IL1RAPL2: variants seen among roughly 807,000 people sequenced by gnomAD.
IL1RAPL2 encodes the protein interleukin 1 receptor accessory protein like 2.
In IL1RAPL2, 3 loss-of-function variants were observed where a neutral mutation model predicts 44.1. The ratio of observed to expected loss-of-function variants is 0.07; its 90% CI spans 0.03 to 0.18. IL1RAPL2 has a LOEUF of 0.18. Among genes scored for constraint, IL1RAPL2 ranks in the 10% least tolerant of loss-of-function variants. The probability of loss-of-function intolerance (pLI) is 1.00; values close to 1 mark genes in which losing one functional copy is unlikely to be tolerated. For synonymous variants in IL1RAPL2, 181 were observed against 178.8 expected, an observed-to-expected ratio of 1.01 and a Z score of -0.10; for missense variants, 391 against 496.4, an observed-to-expected ratio of 0.79 and a Z score of 2.02.
chrX:105,265,370 A>G (rs370562077), intron 4 of IL1RAPL2, among the ~76,000 whole-genome samples: 5 of 112,322 alleles, frequency 4.5e-5, no homozygotes, highest in East Asian at 5.6e-4. Flanking sequence ...TTATTATTGT[A>G]TGACGGCAGT....
chrX:104,919,446 A>G (rs186584432), intron 2 of IL1RAPL2, among the ~76,000 whole-genome samples: 8 of 108,937 alleles, frequency 7.3e-5, no homozygotes, highest in African/African-American at 2.7e-4. Flanking sequence ...GCTGGTCTCA[A>G]ACTCCTGACC....
At chrX:104,920,257 A>G (rs1009207560) in intron 2 of IL1RAPL2, among the ~76,000 whole-genome samples, 5 of 111,347 alleles carry the variant, frequency 4.5e-5, no homozygotes, top group African/African-American at 1.6e-4. Context: ...TTTTCCCCTG[A>G]TTCACCTTTT....
intron 2 of IL1RAPL2, among the ~76,000 whole-genome samples, chrX:104,966,161 C>T (rs1013757576): frequency 6.3e-5 from 7 of 111,124 alleles, no homozygotes; most frequent in African/African-American, 1.3e-4. Context: ...AGCAACTCAA[C>T]CTCCATCTCC....
At position 105,154,687 on chromosome X, in the gene IL1RAPL2, C is replaced by T. The variant is rs1424398070; in HGVS notation, c.83-40788C>T. ...CTTTCTATTGTTCCTGTGTCTCCTC[C>T]ACTGGATCCTCTTTTCTTGTTCTCC... On this transcript the variant is annotated intron_variant, in intron 2 of 10. Transcript: ENST00000372582. 2.7e-5 allele frequency among the ~76,000 whole-genome samples: 3 copies of T among 111,518 alleles called. No homozygotes were observed. In the East Asian group the frequency reaches 8.4e-4, roughly 31 times the overall value.
intron 2 of IL1RAPL2, among the ~76,000 whole-genome samples, chrX:104,966,320 A>C (rs373668837): frequency 2.1e-4 from 23 of 111,748 alleles, no homozygotes; most frequent in African/African-American, 7.5e-4. Flanking sequence ...TAGACTTTTA[A>C]AACATGCTAC....
intron 2 of IL1RAPL2, among the ~76,000 whole-genome samples, chrX:105,004,928 G>A (rs2030914890): frequency 9.0e-6 from 1 of 110,740 alleles, no homozygotes; most frequent in Admixed American, 9.7e-5. Flanking sequence ...GTGAGGTGGG[G>A]GAGGAAAACT....
At chrX:104,913,500 T>C (rs1288125707) in intron 2 of IL1RAPL2, among the ~76,000 whole-genome samples, 3 of 111,975 alleles carry the variant, frequency 2.7e-5, no homozygotes, top group Non-Finnish European at 5.6e-5. Context: ...CTCTGGAATG[T>C]CTGTTTCCTG....
chrX:105,382,544 T>C (rs1249329139), intron 5 of IL1RAPL2, among the ~76,000 whole-genome samples: 4 of 101,117 alleles, frequency 4.0e-5, no homozygotes, highest in African/African-American at 1.2e-4. Context: ...AGTTCAACCA[T>C]TGTGGAAGTC....
chrX:105,725,834 T>C (rs1032852112), intron 7 of IL1RAPL2, among the ~76,000 whole-genome samples: 2 of 111,971 alleles, frequency 1.8e-5, no homozygotes, highest in African/African-American at 6.5e-5. Flanking sequence ...GAAGAAGAAA[T>C]ACAGATCAAT....
At chrX:104,883,257 G>C (rs1472753676) in intron 2 of IL1RAPL2, among the ~76,000 whole-genome samples, 1 of 111,203 alleles carries the variant, frequency 9.0e-6, no homozygotes, top group African/African-American at 3.3e-5. Context: ...TAAATACTGG[G>C]CACCTGTCGG....
At chrX:105,219,383 C>G (rs782232598) in intron 3 of IL1RAPL2, 35 of 1,208,416 alleles carry the variant, frequency 2.9e-5, no homozygotes, top group Non-Finnish European at 3.8e-5. Flanking sequence ...GTGGCTGTTT[C>G]GACCGACCGG....
chrX:104,811,194 A>C (rs763188475), intron 2 of IL1RAPL2, among the ~76,000 whole-genome samples: 4 of 111,578 alleles, frequency 3.6e-5, no homozygotes, highest in Non-Finnish European at 3.8e-5. Context: ...CAGAAAAAAA[A>C]CCCTGAATTG....
intron 6 of IL1RAPL2, among the ~76,000 whole-genome samples, chrX:105,525,479 G>A (rs1307621874): frequency 9.0e-6 from 1 of 110,898 alleles, no homozygotes; most frequent in East Asian, 2.8e-4. Context: ...ATTTTGCCGT[G>A]TTTACTCCCT....
intron 2 of IL1RAPL2, among the ~76,000 whole-genome samples, chrX:105,073,346 C>A (rs1423160355): frequency 2.8e-5 from 3 of 106,669 alleles, no homozygotes; most frequent in Non-Finnish European, 5.8e-5. Context: ...TTTCCAGCTT[C>A]ATCCGTGTCC....
intron 8 of IL1RAPL2, 124 bp downstream of exon 8, chrX:105,740,815 A>T: frequency 1.6e-6 from 1 of 615,192 alleles, no homozygotes; most frequent in Non-Finnish European, 2.4e-6. Flanking sequence ...TGTCTTTTCA[A>T]GGAAAGATAT....
intron 2 of IL1RAPL2, among the ~76,000 whole-genome samples, chrX:105,112,514 C>T (rs753489441): frequency 1.8e-5 from 2 of 112,162 alleles, no homozygotes; most frequent in Non-Finnish European, 3.8e-5. Flanking sequence ...ATGCTATGCA[C>T]GAATGACAGT....
At chrX:104,916,859 GC>G (rs1243259288) in intron 2 of IL1RAPL2, among the ~76,000 whole-genome samples, 1 of 111,399 alleles carries the variant, frequency 9.0e-6, no homozygotes, top group Non-Finnish European at 1.9e-5. Context: ...CTGTTTATAT[GC>G]TGGATTACAT....
At chrX:104,809,957 A>G (rs1335772100) in intron 2 of IL1RAPL2, among the ~76,000 whole-genome samples, 3 of 111,182 alleles carry the variant, frequency 2.7e-5, no homozygotes, top group Non-Finnish European at 5.7e-5. Context: ...ATAAAGACAC[A>G]TGCACACATA....
intron 2 of IL1RAPL2, among the ~76,000 whole-genome samples, chrX:104,798,676 T>A (rs1208376136): frequency 9.1e-6 from 1 of 110,207 alleles, no homozygotes; most frequent in Non-Finnish European, 1.9e-5. Flanking sequence ...AAAAAAAAAT[T>A]TACAAGCTCA....
Sources: gnomAD v4.1 joint callset for allele counts (sites outside exome capture counted in the v4.1 genomes callset) on GRCh38, gnomAD v4.1.1 for gene constraint, MANE v1.5 for transcripts, NCBI Gene and HGNC (gene_info 2026-07-23, HGNC 2026-07-21) for gene names.